SERAC1: variants seen among roughly 807,000 people sequenced by gnomAD.
The protein encoded by SERAC1 is serine active site containing 1.
In SERAC1, 36 loss-of-function variants were observed where a neutral mutation model predicts 85.7. The observed-to-expected ratio is 0.42, with a 90% confidence interval of 0.32 to 0.55. The LOEUF (loss-of-function observed/expected upper bound fraction) is 0.55, where lower values mean the gene tolerates loss of function less well. SERAC1 is among the 20% of genes least tolerant of loss of function. SERAC1 has a pLI of 0.11. For missense variants in SERAC1, 629 were observed against 796.2 expected (o/e 0.79, Z 2.53); for synonymous variants, 242 against 265.3 (o/e 0.91, Z 0.85).
At chr6:158,118,430 C>A (rs1219227506) in intron 12 of SERAC1, among the ~76,000 whole-genome samples, 5 of 151,940 alleles carry the variant, frequency 3.3e-5, no homozygotes, top group African/African-American at 1.2e-4. Flanking sequence ...AATTAAGGTT[C>A]TTTGGGAGAA....
At chr6:158,155,229 A>T in intron 3 of SERAC1, 86 bp downstream of exon 3, 1 of 876,490 alleles carries the variant, frequency 1.1e-6, no homozygotes, top group African/African-American at 1.7e-5. Flanking sequence ...CCCTTTCAAG[A>T]CCTCATGCAA....
At chr6:158,153,200 A>G (rs1287621556) in intron 3 of SERAC1, among the ~76,000 whole-genome samples, 1 of 152,202 alleles carries the variant, frequency 6.6e-6, no homozygotes, top group East Asian at 1.9e-4. Context: ...TTTGAAATTC[A>G]TATCAATGGA....
intron 3 of SERAC1, among the ~76,000 whole-genome samples, chr6:158,152,402 G>T (rs1041538578): frequency 2.0e-5 from 3 of 152,136 alleles, no homozygotes; most frequent in Admixed American, 6.5e-5. Context: ...TGTAATCCCA[G>T]CTACTCAGGA....
chr6:158,159,995 A>G (rs1480453217), intron 1 of SERAC1, among the ~76,000 whole-genome samples: 1 of 152,228 alleles, frequency 6.6e-6, no homozygotes, highest in African/African-American at 2.4e-5. Context: ...ATTTATAAAT[A>G]TATCATACAA....
intron 10 of SERAC1, among the ~76,000 whole-genome samples, chr6:158,121,058 C>T (rs909212208): frequency 6.6e-6 from 1 of 151,960 alleles, no homozygotes; most frequent in East Asian, 1.9e-4. Context: ...ATCTGGAGAT[C>T]AGGAAGGAAA....
chr6:158,143,014 TG>T, intron 8 of SERAC1, 41 bp downstream of exon 8: 1 of 1,506,374 alleles, frequency 6.6e-7, no homozygotes, highest in Non-Finnish European at 9.2e-7. Flanking sequence ...TTGGAAAGGG[TG>T]GACACTCAAA....
intron 8 of SERAC1, among the ~76,000 whole-genome samples, chr6:158,140,554 G>A (rs1003453274): frequency 4.5e-4 from 69 of 152,098 alleles, no homozygotes; most frequent in Admixed American, 3.9e-3. Context: ...TATAATAAAC[G>A]GTAAGCATAA....
chr6:158,159,771 CCCA>C (rs1785443866), intron 1 of SERAC1, among the ~76,000 whole-genome samples: 1 of 151,852 alleles, frequency 6.6e-6, no homozygotes, highest in South Asian at 2.1e-4. Context: ...ACTACAGGTG[CCCA>C]CCACCACACT....
At chr6:158,128,354 T>C (rs988747719) in intron 9 of SERAC1, 84 bp from the exon 10 acceptor site, 14 of 1,363,500 alleles carry the variant, frequency 1.0e-5, no homozygotes, top group Non-Finnish European at 1.4e-5. Flanking sequence ...TGGGGACAGC[T>C]AGGTAGCTCC....
rs1562434135 is a variant in SERAC1 at position 158,117,783 on chromosome 6, T to TATA, written c.1344_1346dup (p.Ile449dup). 1 of 1,614,182 alleles carries TATA rather than the reference T, an allele frequency of 6.2e-7. No individual in the cohort carries two copies. The highest frequency in any genetic ancestry group is 8.5e-7 in the Non-Finnish European group (1 of 1,180,004). On this transcript the variant is annotated inframe_insertion, in exon 13 of 17. Transcript: ENST00000647468. The surrounding 1 kb of genome is among the most constrained non-coding windows in gnomAD (Gnocchi z 4.3). ...TGAGGCTGGTGTCATACTCCACAGATATAATTCGGAGAGCAGGACAGTCTT... is the reference window on the plus strand; with the variant it reads ...TGAGGCTGGTGTCATACTCCACAGATATAATAATTCGGAGAGCAGGACAGTCTT...
At chr6:158,137,973 T>G (rs1784831602) in intron 8 of SERAC1, among the ~76,000 whole-genome samples, 1 of 152,070 alleles carries the variant, frequency 6.6e-6, no homozygotes, top group East Asian at 1.9e-4. Flanking sequence ...GGGAGGGTGG[T>G]GGAGAAGTTG....
intron 6 of SERAC1, among the ~76,000 whole-genome samples, chr6:158,144,792 C>T (rs1211222447): frequency 8.5e-5 from 13 of 152,152 alleles, no homozygotes; most frequent in South Asian, 6.2e-4. Flanking sequence ...CCTACTGCTC[C>T]GTGGTGATGA....
chr6:158,165,774 G>T (rs531468494), intron 1 of SERAC1, among the ~76,000 whole-genome samples: 1 of 152,100 alleles, frequency 6.6e-6, no homozygotes, highest in Non-Finnish European at 1.5e-5. Flanking sequence ...ACGCAGAGTT[G>T]CTCTTCTCTA....
At chr6:158,140,082 A>G (rs1784880348) in intron 8 of SERAC1, among the ~76,000 whole-genome samples, 1 of 152,240 alleles carries the variant, frequency 6.6e-6, no homozygotes, top group Non-Finnish European at 1.5e-5. Context: ...ATCCACACAA[A>G]GACATGCACA....
chr6:158,122,884 T>C (rs1730570390), intron 10 of SERAC1, among the ~76,000 whole-genome samples: 2 of 152,232 alleles, frequency 1.3e-5, no homozygotes, highest in African/African-American at 4.8e-5. Flanking sequence ...GAGAGCTCTC[T>C]ATATATATCA....
At chr6:158,123,461 G>T (rs933785947) in intron 10 of SERAC1, among the ~76,000 whole-genome samples, 1 of 152,218 alleles carries the variant, frequency 6.6e-6, no homozygotes, top group Non-Finnish European at 1.5e-5. Flanking sequence ...AATTGTCTCA[G>T]TAAAGTAGGA....
At position 158,111,223 on chromosome 6, in the gene SERAC1, T is replaced by C. The variant is rs191103232; in HGVS notation, c.*143A>G. The C allele has an allele frequency of 2.6e-4, 194 of 741,522 alleles. 1 individual carries two copies. Among genetic ancestry groups the C allele is most frequent in the Middle Eastern group, 1.3e-3 (3 of 2,372 alleles). The allele number at this position is 741,522 out of a possible 1,614,324, so 45.9% of individuals were successfully genotyped here. On this transcript the variant is annotated 3_prime_UTR_variant, in exon 17 of 17. Coordinates refer to ENST00000647468, the MANE Select transcript of SERAC1 (RefSeq NM_032861.4). The stretch of plus-strand genomic sequence containing the variant: ...TTTACAGCGCTTGAAGGGAGAACAA[T>C]GTTCTGTAGTCTGCAACACACTCCA...
intron 8 of SERAC1, among the ~76,000 whole-genome samples, chr6:158,142,207 C>T (rs1784934027): frequency 6.6e-6 from 1 of 151,948 alleles, no homozygotes; most frequent in Non-Finnish European, 1.5e-5. Flanking sequence ...GTTGCCCAGG[C>T]TGGAGTGCAG....
At chr6:158,113,912 C>T (rs1444336599) in intron 15 of SERAC1, among the ~76,000 whole-genome samples, 1 of 152,098 alleles carries the variant, frequency 6.6e-6, no homozygotes, top group African/African-American at 2.4e-5. Flanking sequence ...CACCCCAAAG[C>T]CCAGCCTCCC....
Sources: allele counts gnomAD v4.1 joint callset (sites outside exome capture counted in the v4.1 genomes callset), GRCh38; gene constraint gnomAD v4.1.1; non-coding constraint Gnocchi (gnomAD v3.1); transcripts MANE v1.5; gene names NCBI Gene and HGNC (gene_info 2026-07-23, HGNC 2026-07-21).